The following PIK3CB variants were observed in gnomAD, a reference collection of about 807,000 sequenced individuals.
The protein encoded by PIK3CB is phosphatidylinositol 4,5-bisphosphate 3-kinase catalytic subunit beta isoform.
In PIK3CB, 39 loss-of-function variants were observed where a neutral mutation model predicts 136.8. That is an observed-to-expected ratio of 0.29 (90% CI 0.22 to 0.37). The LOEUF (loss-of-function observed/expected upper bound fraction) is 0.37, where lower values mean the gene tolerates loss of function less well. Ranked by LOEUF, PIK3CB falls within the 10% of genes least tolerant of loss-of-function variation. PIK3CB has a pLI of 1.00. For synonymous variants in PIK3CB, 428 were observed against 436.6 expected (o/e 0.98, Z 0.25); for missense variants, 868 against 1,275.4 (o/e 0.68, Z 4.87).
chr3:138,688,582 A>G (rs1396727951), intron 16 of PIK3CB, among the ~76,000 whole-genome samples: 1 of 151,780 alleles, frequency 6.6e-6, no homozygotes, highest in East Asian at 1.9e-4. Flanking sequence ...ATTAATATAG[A>G]ATATATTAGG....
intron 1 of PIK3CB, among the ~76,000 whole-genome samples, chr3:138,809,332 G>A (rs1460277620): frequency 1.3e-5 from 2 of 151,122 alleles, no homozygotes; most frequent in African/African-American, 4.9e-5. Flanking sequence ...TAAGCCGGGC[G>A]CAGTGGCTCA....
intron 19 of PIK3CB, among the ~76,000 whole-genome samples, chr3:138,671,351 A>C (rs2043528556): frequency 6.6e-6 from 1 of 152,214 alleles, no homozygotes; most frequent in Non-Finnish European, 1.5e-5. Context: ...AAACTTAAGA[A>C]ATTAATCAGG....
chr3:138,734,631 T>TA lies in PIK3CB; in HGVS notation c.972+2dup. 1 of 1,601,132 alleles carries TA rather than the reference T, an allele frequency of 6.2e-7. No homozygotes were observed. Among genetic ancestry groups the TA allele is most frequent in the Non-Finnish European group, 8.5e-7 (1 of 1,170,964 alleles). On this transcript the variant is annotated splice_region_variant and intron_variant, in intron 7 of 23. Coordinates refer to ENST00000674063, the MANE Select transcript of PIK3CB (RefSeq NM_006219.3). ...TTACTAAAGGTTCAGAAATAAAACT[T>TA]ACAGAAATAATTCGTGTTTTCTTTG...
In PIK3CB at chr3:138,702,548, G is replaced by A. The variant is rs562327366; in HGVS notation, c.1581+1895C>T. Among the ~76,000 whole-genome samples, 6 of 152,212 alleles carry A rather than the reference G, an allele frequency of 3.9e-5. No individual in the cohort carries two copies. The East Asian group carries it at 1.2e-3, about 29-fold the overall frequency. ...CTAATTCATTTATCTGAGGTTCAAGGAGCAATATTGTCTTATAAAGGGTAA... is the reference window on the plus strand; with the variant it reads ...CTAATTCATTTATCTGAGGTTCAAGAAGCAATATTGTCTTATAAAGGGTAA... On this transcript the variant is annotated intron_variant, in intron 12 of 23. Transcript: ENST00000674063.
At chr3:138,785,762 T>C (rs982416028) in intron 2 of PIK3CB, among the ~76,000 whole-genome samples, 4 of 151,510 alleles carry the variant, frequency 2.6e-5, no homozygotes, top group African/African-American at 9.7e-5. Flanking sequence ...CCCTCCACTA[T>C]TGTCCTATGA....
At chr3:138,716,564 G>C (rs373083027) in intron 8 of PIK3CB, among the ~76,000 whole-genome samples, 1 of 151,950 alleles carries the variant, frequency 6.6e-6, no homozygotes, top group South Asian at 2.1e-4. Flanking sequence ...ACAGTATAAC[G>C]CAACATACCA....
intron 1 of PIK3CB, among the ~76,000 whole-genome samples, chr3:138,834,318 C>T (rs1320723140): frequency 6.6e-6 from 1 of 152,188 alleles, no homozygotes; most frequent in Non-Finnish European, 1.5e-5. Flanking sequence ...ACCTGAGGGT[C>T]GGGAAGTTCC....
At chr3:138,738,475 A>G (rs911544615) in intron 5 of PIK3CB, among the ~76,000 whole-genome samples, 22 of 151,910 alleles carry the variant, frequency 1.4e-4, no homozygotes, top group African/African-American at 5.1e-4. Context: ...CCGGCCACAT[A>G]CTGCAGCTAT....
chr3:138,672,747 A>G (rs1432101578), intron 19 of PIK3CB, among the ~76,000 whole-genome samples: 6 of 152,034 alleles, frequency 3.9e-5, no homozygotes, highest in Non-Finnish European at 8.8e-5. Flanking sequence ...CCCTGCCTCT[A>G]CTAAAAATAC....
chr3:138,669,255 T>TA (rs35291087), intron 19 of PIK3CB, among the ~76,000 whole-genome samples: 73,909 of 151,136 alleles, frequency 0.49, 20,497 homozygotes, highest in East Asian at 0.98. Context: ...CTACAAAAAG[T>TA]AAAAAAATTA....
chr3:138,827,086 T>TAAAC (rs911739596), intron 1 of PIK3CB, among the ~76,000 whole-genome samples: 2 of 151,582 alleles, frequency 1.3e-5, no homozygotes, highest in African/African-American at 4.8e-5. Context: ...AATAAATAAA[T>TAAAC]AAATATTCCT....
chr3:138,659,231 C>G (rs361090), intron 21 of PIK3CB, among the ~76,000 whole-genome samples: 1 of 152,222 alleles, frequency 6.6e-6, no homozygotes, highest in Non-Finnish European at 1.5e-5. Context: ...AATCACCCCA[C>G]TTGATAATTA....
chr3:138,767,078 G>A lies in PIK3CB; in HGVS notation c.-16-7719C>T, dbSNP rs558287517. Among the ~76,000 whole-genome samples, 9 of 152,172 alleles carry A rather than the reference G, an allele frequency of 5.9e-5. No individual in the cohort carries two copies. The East Asian group carries it at 7.7e-4, about 13-fold the overall frequency. Reference sequence around the variant, plus strand: ...AATCCTAGCTACTTGGGGGGCTGAGGCAGGAGAATCGATTGAACCTGGGAG... The same window carrying A: ...AATCCTAGCTACTTGGGGGGCTGAGACAGGAGAATCGATTGAACCTGGGAG... On this transcript the variant is annotated intron_variant, in intron 2 of 23. Transcript: ENST00000674063.
At chr3:138,691,193 A>T in intron 14 of PIK3CB, 50 bp from the exon 15 acceptor site, 1 of 1,551,544 alleles carries the variant, frequency 6.4e-7, no homozygotes, top group South Asian at 1.2e-5. Flanking sequence ...TGTGCCAGAA[A>T]AAGATCCCTT....
intron 1 of PIK3CB, among the ~76,000 whole-genome samples, chr3:138,805,384 T>C (rs2046221597): frequency 6.7e-6 from 1 of 149,356 alleles, no homozygotes; most frequent in South Asian, 2.1e-4. Flanking sequence ...AAAAACAGAA[T>C]TAGGGGTCGG....
At chr3:138,686,834 G>C (rs1290098036) in intron 16 of PIK3CB, among the ~76,000 whole-genome samples, 3 of 152,126 alleles carry the variant, frequency 2.0e-5, no homozygotes, top group Non-Finnish European at 2.9e-5. Flanking sequence ...AGGAAACTAG[G>C]AAGGACCTAT....
chr3:138,714,978 T>TA (rs1168924879), intron 8 of PIK3CB, among the ~76,000 whole-genome samples: 2 of 152,186 alleles, frequency 1.3e-5, no homozygotes, highest in Non-Finnish European at 2.9e-5. Context: ...AAACCAGCTA[T>TA]AAAATCACAT....
At chr3:138,761,603 C>G (rs942905261) in intron 2 of PIK3CB, among the ~76,000 whole-genome samples, 1 of 152,122 alleles carries the variant, frequency 6.6e-6, no homozygotes, top group African/African-American at 2.4e-5. Flanking sequence ...AACCCCATGT[C>G]TACTAAAAAT....
intron 2 of PIK3CB, among the ~76,000 whole-genome samples, chr3:138,775,214 G>A (rs2045844368): frequency 6.6e-6 from 1 of 152,218 alleles, no homozygotes; most frequent in Non-Finnish European, 1.5e-5. Context: ...GGCTGATAAT[G>A]TCATCTCAGT....
Sources: gnomAD v4.1 joint callset for allele counts (sites outside exome capture counted in the v4.1 genomes callset) on GRCh38, gnomAD v4.1.1 for gene constraint, MANE v1.5 for transcripts, NCBI Gene and HGNC (gene_info 2026-07-23, HGNC 2026-07-21) for gene names.